Variants in SKIL observed in about 807,000 individuals in gnomAD.
The protein encoded by SKIL is SKI like proto-oncogene.
In SKIL, 20 loss-of-function variants were observed where a neutral mutation model predicts 69.6. The observed-to-expected ratio is 0.29, with a 90% CI of 0.20 to 0.42. The LOEUF (loss-of-function observed/expected upper bound fraction) is 0.42. Among genes scored for constraint, SKIL ranks in the 10% least tolerant of loss-of-function variants. SKIL has a pLI of 1.00. For missense variants in SKIL, 745 were observed against 783.1 expected (o/e 0.95, Z 0.58); for synonymous variants, 310 against 279.9 (o/e 1.11, Z -1.08).
intron 2 of SKIL, among the ~76,000 whole-genome samples, chr3:170,363,121 A>G (rs1188826840): frequency 1.3e-5 from 2 of 151,984 alleles, no homozygotes; most frequent in African/African-American, 4.8e-5. Context: ...GCTGTGTTTC[A>G]TTTAGGAACT....
At chr3:170,364,311 C>CTTTTT (rs34818157) in intron 2 of SKIL, among the ~76,000 whole-genome samples, 1 of 59,974 alleles carries the variant, frequency 1.7e-5, no homozygotes, top group African/African-American at 5.7e-5. Context: ...TTGCTCCCGT[C>CTTTTT]TTTTTTTTTT....
chr3:170,390,361 G>A lies in SKIL; in HGVS notation c.1568G>A (p.Cys523Tyr). The change falls in exon 5 of 7, where the codon TGT (cysteine) becomes TAT (tyrosine). Residue 523 changes from cysteine (C) to tyrosine (Y), a missense_variant. Physicochemically the swap from Cys to Tyr is radical, Grantham distance 194. Coordinates refer to ENST00000259119, the MANE Select transcript of SKIL (RefSeq NM_005414.5). ...SSPLLVKDVI[C>Y]EDDKGKIMEE... The stretch of plus-strand genomic sequence containing the variant: ...CCGCTTCTTGTGAAAGATGTCATTT[G>A]TGAGGATGATAAGGGAAAAATCATG... The A allele has an allele frequency of 1.2e-6, 2 of 1,614,048 alleles. No homozygotes were observed. The highest frequency in any genetic ancestry group is 1.3e-5 in the African/African-American group (1 of 75,022).
At chr3:170,387,237 A>T (rs1445564580) in intron 4 of SKIL, among the ~76,000 whole-genome samples, 1 of 151,976 alleles carries the variant, frequency 6.6e-6, no homozygotes, top group East Asian at 1.9e-4. Flanking sequence ...AGTCAGGCTG[A>T]TCTTGAACTC....
intron 1 of SKIL, among the ~76,000 whole-genome samples, chr3:170,358,143 C>T (rs1736030185): frequency 6.6e-6 from 1 of 152,186 alleles, no homozygotes; most frequent in African/African-American, 2.4e-5. Flanking sequence ...GTCCGTCAGC[C>T]CCCGGCGGCG....
intron 2 of SKIL, among the ~76,000 whole-genome samples, chr3:170,368,497 CAG>C (rs1262665723): frequency 7.2e-5 from 11 of 152,108 alleles, no homozygotes. Context: ...AACCTTTAAA[CAG>C]ATACAATTTG....
chr3:170,379,213 G>C (rs1364491977), intron 2 of SKIL, among the ~76,000 whole-genome samples: 1 of 152,074 alleles, frequency 6.6e-6, no homozygotes, highest in Non-Finnish European at 1.5e-5. Flanking sequence ...CCTGACCTCA[G>C]GTGATCCACC....
At chr3:170,385,948 A>G (rs1220580274) in intron 4 of SKIL, among the ~76,000 whole-genome samples, 1 of 150,992 alleles carries the variant, frequency 6.6e-6, no homozygotes, top group Non-Finnish European at 1.5e-5. Flanking sequence ...ATGCACCACC[A>G]CACCCCGCTA....
At chr3:170,364,651 G>A (rs891200063) in intron 2 of SKIL, among the ~76,000 whole-genome samples, 9 of 151,866 alleles carry the variant, frequency 5.9e-5, no homozygotes, top group African/African-American at 2.2e-4. Context: ...TCTGACATAA[G>A]TGTATTTTGG....
intron 2 of SKIL, among the ~76,000 whole-genome samples, chr3:170,372,353 T>C (rs1736836401): frequency 6.6e-6 from 1 of 152,208 alleles, no homozygotes; most frequent in Non-Finnish European, 1.5e-5. Context: ...TGGTATGATC[T>C]TTCAGCCTGT....
intron 2 of SKIL, among the ~76,000 whole-genome samples, chr3:170,367,971 C>T (rs1736626765): frequency 6.6e-6 from 1 of 152,042 alleles, no homozygotes; most frequent in African/African-American, 2.4e-5. Context: ...CGTTTCACTT[C>T]TTCATTTCTG....
rs1029841861 is a variant in SKIL, at chr3:170,392,557, A to G, written c.*140A>G. The G allele has an allele frequency of 1.4e-5, 7 of 506,036 alleles. No homozygotes were observed. Among genetic ancestry groups the G allele is most frequent in the Non-Finnish European group, 2.1e-5 (6 of 283,214 alleles). 31.3% of individuals were successfully genotyped at this position (506,036 alleles called of 1,614,324 possible). A position where few individuals can be genotyped will look rare whatever the true frequency, so the allele number is the denominator to read the frequency against. On this transcript the variant is annotated 3_prime_UTR_variant, in exon 7 of 7. Transcript: ENST00000259119. ...TCCATTTGTAGATCAGAGAAAGTGA[A>G]GAGATTATATATTAGTACTTAAATT...
At chr3:170,369,754 G>C (rs916374034) in intron 2 of SKIL, among the ~76,000 whole-genome samples, 1 of 152,110 alleles carries the variant, frequency 6.6e-6, no homozygotes, top group African/African-American at 2.4e-5. Flanking sequence ...AGTGATTGTC[G>C]AGCTAGAATT....
chr3:170,360,281 C>T lies in SKIL; in HGVS notation c.-51C>T, dbSNP rs1016319388. 6.7e-6 allele frequency: 10 copies of T among 1,482,674 alleles called. No homozygotes were observed. The highest frequency in any genetic ancestry group is 8.1e-6 in the Non-Finnish European group (9 of 1,109,274). 91.8% of individuals were successfully genotyped at this position (1,482,674 alleles called of 1,614,324 possible). On this transcript the variant is annotated 5_prime_UTR_variant, in exon 2 of 7. Transcript: ENST00000259119. ...TACTTTCCTCTTTTCAAATAAGCAA[C>T]TAAATAGAAATGCTAATCTCAGACT...
At chr3:170,391,986 C>T (rs1737948263) in intron 6 of SKIL, among the ~76,000 whole-genome samples, 1 of 152,162 alleles carries the variant, frequency 6.6e-6, no homozygotes, top group Non-Finnish European at 1.5e-5. Flanking sequence ...AAATAACTAA[C>T]ATGAGCAGGC....
At chr3:170,367,117 G>T (rs1396656250) in intron 2 of SKIL, among the ~76,000 whole-genome samples, 2 of 151,720 alleles carry the variant, frequency 1.3e-5, no homozygotes, top group Admixed American at 6.6e-5. Flanking sequence ...TTGTTTGTTT[G>T]TTTTTTTTGA....
chr3:170,357,910 G>T (rs1275924534), intron 1 of SKIL, 147 bp downstream of exon 1: 1 of 152,760 alleles, frequency 6.5e-6, no homozygotes, highest in Non-Finnish European at 1.5e-5. Flanking sequence ...GCCCGAGTAG[G>T]GGGTTTGGAT....
chr3:170,366,244 A>G (rs571300878), intron 2 of SKIL, among the ~76,000 whole-genome samples: 56 of 152,200 alleles, frequency 3.7e-4, no homozygotes, highest in African/African-American at 1.3e-3. Flanking sequence ...TAATTATTTT[A>G]CAATTATAAA....
At position 170,365,936 on chromosome 3, in the gene SKIL, A is replaced by G. The variant is rs565368907; in HGVS notation, c.1098+4507A>G. The stretch of plus-strand genomic sequence containing the variant: ...ATACCCAGCTAATTTTTTTATTTTT[A>G]GTCCAGACGGGGTTTCACCATGCTG... On this transcript the variant is annotated intron_variant, in intron 2 of 6. Coordinates refer to ENST00000259119, the MANE Select transcript of SKIL (RefSeq NM_005414.5). Among the ~76,000 whole-genome samples, 12 of 151,738 alleles carry G rather than the reference A, an allele frequency of 7.9e-5. 1 individual carries two copies. Among genetic ancestry groups the G allele is most frequent in the South Asian group, 4.2e-4 (2 of 4,816 alleles).
Position 170,360,885 on chromosome 3 carries a change from C to T in SKIL, c.554C>T (p.Thr185Ile), listed in dbSNP as rs1405590730. 1.9e-6 allele frequency: 3 copies of T among 1,614,004 alleles called. No individual in the cohort carries two copies. Among genetic ancestry groups the T allele is most frequent in the African/African-American group, 2.7e-5 (2 of 74,920 alleles). ...LREFTLQQINTVCDELYIYCS... is the reference protein window; with the variant it reads ...LREFTLQQINIVCDELYIYCS... ...GAATTTACACTCCAGCAAATAAATA[C>T]AGTGTGTGATGAACTGTACATATAT... The change falls in exon 2 of 7, where the codon ACA becomes ATA. Residue 185 changes from threonine to isoleucine, a missense_variant. Thr to Ile is a moderately conservative substitution (Grantham distance 89, BLOSUM62 -1). Transcript: ENST00000259119.
Sources: allele counts gnomAD v4.1 joint callset (sites outside exome capture counted in the v4.1 genomes callset), GRCh38; gene constraint gnomAD v4.1.1; transcripts MANE v1.5; gene names NCBI Gene and HGNC (gene_info 2026-07-23, HGNC 2026-07-21).